The following PROSER1 variants were observed in gnomAD, a reference collection of about 807,000 sequenced individuals.
PROSER1 encodes proline and serine-rich protein 1.
Under a neutral mutation model 71.8 loss-of-function variants are expected in PROSER1, and 36 were observed. The observed-to-expected ratio is 0.50, with a 90% CI of 0.38 to 0.66. PROSER1 has a LOEUF of 0.66. Ranked by LOEUF, PROSER1 falls within the 30% of genes least tolerant of loss-of-function variation. PROSER1 has a pLI of 0.00. For missense variants in PROSER1, 1,107 were observed against 1,135.0 expected (o/e 0.98, Z 0.35); for synonymous variants, 490 against 452.4 (o/e 1.08, Z -1.06).
intron 9 of PROSER1, among the ~76,000 whole-genome samples, chr13:39,020,997 A>C (rs1382492785): frequency 6.6e-6 from 1 of 152,180 alleles, no homozygotes; most frequent in African/African-American, 2.4e-5. Context: ...ACCACTCATG[A>C]GAAATAGTTC....
Position 39,024,525 on chromosome 13 carries a change from C to T in PROSER1, c.512G>A (p.Cys171Tyr). ...AGCTATTCCTTTGCCTTCGTTAGTACATTCTTCACCATCTTTTTTCAAAGG... is the reference window on the plus strand; with the variant it reads ...AGCTATTCCTTTGCCTTCGTTAGTATATTCTTCACCATCTTTTTTCAAAGG... ...GTPLKKDGEECTNEGKGIAAR... is the reference protein window; with the variant it reads ...GTPLKKDGEEYTNEGKGIAAR... The change falls in exon 7 of 13, where the codon TGT becomes TAT. Residue 171 changes from cysteine to tyrosine, a missense_variant. Physicochemically the swap from Cys to Tyr is radical, Grantham distance 194. Transcript: ENST00000352251. 6.4e-7 allele frequency: 1 copy of T among 1,565,468 alleles called. No individual in the cohort carries two copies. Among genetic ancestry groups the T allele is most frequent in the Non-Finnish European group, 8.7e-7 (1 of 1,148,860 alleles).
intron 1 of PROSER1, among the ~76,000 whole-genome samples, chr13:39,036,451 GAAGGA>G (rs1056465353): frequency 1.6e-4 from 24 of 152,118 alleles, no homozygotes; most frequent in African/African-American, 5.6e-4. Flanking sequence ...CCGGAAGGCC[GAAGGA>G]AAGCACCGTG....
intron 2 of PROSER1, among the ~76,000 whole-genome samples, 181 bp downstream of exon 2, chr13:39,033,950 A>C (rs893324338): frequency 6.6e-6 from 1 of 152,166 alleles, no homozygotes; most frequent in African/African-American, 2.4e-5. Flanking sequence ...GAAAGTGGAG[A>C]GGTGCTTAGT....
At chr13:39,020,780 G>A (rs894947441) in intron 9 of PROSER1, among the ~76,000 whole-genome samples, 1 of 152,144 alleles carries the variant, frequency 6.6e-6, no homozygotes, top group Admixed American at 6.5e-5. Context: ...TTGGAGAATA[G>A]TTTGACAACA....
intron 1 of PROSER1, among the ~76,000 whole-genome samples, chr13:39,035,336 T>G (rs911361099): frequency 3.3e-5 from 5 of 152,172 alleles, no homozygotes; most frequent in Non-Finnish European, 7.4e-5. Context: ...GAGGCCCAGC[T>G]GTAACCCCAG....
At position 39,036,652 on chromosome 13, in the gene PROSER1, A is replaced by C. The variant is rs115798155; in HGVS notation, c.45+546T>G. 4.3e-3 allele frequency among the ~76,000 whole-genome samples: 650 copies of C among 152,320 alleles called. 9 individuals are homozygous for C. Among genetic ancestry groups the C allele is most frequent in the African/African-American group, 0.015 (629 of 41,570 alleles). ...AGCAAAAACTTGGAAAGCAGGAGAA[A>C]AAAGTTTTGAAGCTCAAGTTATTGA... On this transcript the variant is annotated intron_variant, in intron 1 of 12. Transcript: ENST00000352251.
At chr13:39,023,343 CATA>C in intron 7 of PROSER1, 1 of 479,160 alleles carries the variant, frequency 2.1e-6, no homozygotes, top group Non-Finnish European at 3.8e-6. Context: ...CAAAGATGGC[CATA>C]GAGGTGGCCA....
At position 39,037,455 on chromosome 13, in the gene PROSER1, A is replaced by G; in HGVS notation, c.-213T>C. On this transcript the variant is annotated 5_prime_UTR_variant, in exon 1 of 13. Transcript: ENST00000352251. ...TTCAGAAAAACTCTTTTTATTAAAA[A>G]GAAAAAACACTCCAGTCAGGCTTCC... 1.8e-6 allele frequency: 1 copy of G among 558,116 alleles called. No individual in the cohort carries two copies. Among genetic ancestry groups the G allele is most frequent in the Non-Finnish European group, 3.2e-6 (1 of 315,684 alleles). The allele number at this position is 558,116 out of a possible 1,614,324, so 34.6% of individuals were successfully genotyped here. A position where few individuals can be genotyped will look rare whatever the true frequency, so the allele number is the denominator to read the frequency against.
rs34146778 is a variant in PROSER1, at chr13:39,029,247, T to TAAAAAAAAAA, written c.275+24_275+33dup. 28 of 743,916 alleles carry TAAAAAAAAAA rather than the reference T, an allele frequency of 3.8e-5. No homozygotes were observed. The African/African-American group carries it at 5.8e-4, about 15-fold the overall frequency. 46.1% of individuals were successfully genotyped at this position (743,916 alleles called of 1,614,324 possible). On this transcript the variant is annotated intron_variant, in intron 4 of 12. Transcript: ENST00000352251. ...AAACGCTTCTACATTTTTTCCCAAG[T>TAAAAAAAAAA]AAAAAAAAAAAAAAAAAAAAAAGAA... is the stretch of plus-strand genomic sequence containing the variant.
At chr13:39,035,479 G>A (rs1871056055) in intron 1 of PROSER1, among the ~76,000 whole-genome samples, 1 of 152,178 alleles carries the variant, frequency 6.6e-6, no homozygotes, top group South Asian at 2.1e-4. Flanking sequence ...GAAGTACAGT[G>A]CCTACACCTC....
chr13:39,012,539 A>C (rs1019279559), intron 11 of PROSER1, 152 bp downstream of exon 11: 1 of 681,428 alleles, frequency 1.5e-6, no homozygotes, highest in East Asian at 2.7e-5. Context: ...CATTTATCTT[A>C]ACATGGTTCA....
chr13:39,012,462 CTG>C (rs1185281304), intron 11 of PROSER1: 2 of 641,164 alleles, frequency 3.1e-6, no homozygotes, highest in Non-Finnish European at 5.4e-6. Context: ...ATCCTTTCTG[CTG>C]TCTTATAAAT....
At chr13:39,026,425 C>T in intron 5 of PROSER1, 38 bp from the exon 6 acceptor site, 1 of 1,371,222 alleles carries the variant, frequency 7.3e-7, no homozygotes, top group South Asian at 1.2e-5. Flanking sequence ...GAAAAAAATT[C>T]TTAAAAGATA....
At chr13:39,022,729 G>A (rs3751376) in intron 8 of PROSER1, 109,417 of 369,884 alleles carry the variant, frequency 0.3, 21,046 homozygotes, top group African/African-American at 0.66. Context: ...TTGACTTTTT[G>A]AAGTTAAATG....
rs187588293 is a variant in PROSER1, at chr13:39,036,955, G to A, written c.45+243C>T. The stretch of plus-strand genomic sequence containing the variant: ...TTTGTAAAGCCGGCTTTGGAACCGA[G>A]GGCTTTACAAATGTAATTCCCACGA... On this transcript the variant is annotated intron_variant, in intron 1 of 12. Transcript: ENST00000352251. Among the ~76,000 whole-genome samples the A allele has an allele frequency of 9.1e-4, 138 of 152,214 alleles. 3 individuals are homozygous for A. In the East Asian group the frequency reaches 0.023, roughly 26 times the overall value.
rs764792365 is a variant in PROSER1, at chr13:39,017,482, A to G, written c.775+18T>C. 5 of 1,487,460 alleles carry G rather than the reference A, an allele frequency of 3.4e-6. No homozygotes were observed. Among genetic ancestry groups the G allele is most frequent in the Non-Finnish European group, 4.7e-6 (5 of 1,074,224 alleles). 92.1% of individuals were successfully genotyped at this position (1,487,460 alleles called of 1,614,324 possible). ...CATGACAGATATCCGTTATCTCTGG[A>G]TCAAATTTGCTACTTACTTTGATTC... On this transcript the variant is annotated intron_variant, in intron 10 of 12. Transcript: ENST00000352251.
chr13:39,027,941 T>G (rs1207202570), intron 5 of PROSER1, among the ~76,000 whole-genome samples: 1 of 152,138 alleles, frequency 6.6e-6, no homozygotes, highest in African/African-American at 2.4e-5. Flanking sequence ...AAGCAAAAAC[T>G]TGAAGCCATG....
intron 2 of PROSER1, 28 bp from the exon 3 acceptor site, chr13:39,031,659 T>C (rs1266520768): frequency 2.5e-6 from 4 of 1,584,518 alleles, no homozygotes; most frequent in Non-Finnish European, 3.5e-6. Flanking sequence ...ACAGCTCTAA[T>C]GACAGCATGT....
intron 8 of PROSER1, 182 bp from the exon 9 acceptor site, chr13:39,022,594 A>G (rs1870347249): frequency 1.9e-6 from 1 of 524,210 alleles, no homozygotes; most frequent in Non-Finnish European, 3.4e-6. Context: ...ACTGACACCA[A>G]ATGAAACAAC....
Sources: allele counts gnomAD v4.1 joint callset (sites outside exome capture counted in the v4.1 genomes callset), GRCh38; gene constraint gnomAD v4.1.1; transcripts MANE v1.5; gene names NCBI Gene and HGNC (gene_info 2026-07-23, HGNC 2026-07-21).